The following LDHB variants were observed in gnomAD, a reference collection of about 807,000 sequenced individuals.
LDHB encodes the protein lactate dehydrogenase B.
In LDHB, 18 loss-of-function variants were observed where a neutral mutation model predicts 33.4. The ratio of observed to expected loss-of-function variants is 0.54; its 90% confidence interval spans 0.37 to 0.80. The LOEUF is 0.80. Ranked by LOEUF, LDHB falls within the 30% of genes least tolerant of loss-of-function variation. LDHB has a pLI of 0.00. For missense variants in LDHB, 345 were observed against 407.9 expected, an observed-to-expected ratio of 0.85 and a Z score of 1.33; for synonymous variants, 121 against 140.6, an observed-to-expected ratio of 0.86 and a Z score of 0.98.
chr12:21,651,367 A>G (rs1938684406), intron 2 of LDHB, among the ~76,000 whole-genome samples: 1 of 152,242 alleles, frequency 6.6e-6, no homozygotes, highest in South Asian at 2.1e-4. Context: ...TGGTTATTAT[A>G]TAAGCAATGG....
At position 21,635,667 on chromosome 12, in the gene LDHB, A is replaced by G; in HGVS notation, c.880T>C (p.Cys294Arg). ...GTTAATCCCCGGGCATTGAGGATAC[A>G]TGGAAGGCTCAGGAAGACTTCATTC... ...IENEVFLSLPCILNARGLTSV... is the reference protein window; with the variant it reads ...IENEVFLSLPRILNARGLTSV... The change falls in exon 8 of 8, where the codon TGT (cysteine) becomes CGT (arginine). Residue 294 changes from cysteine (C) to arginine (R), a missense_variant. Physicochemically the swap from Cys to Arg is radical, Grantham distance 180. Coordinates refer to ENST00000350669, the MANE Select transcript of LDHB (RefSeq NM_002300.8). 1 of 1,613,860 alleles carries G rather than the reference A, an allele frequency of 6.2e-7. No individual in the cohort carries two copies. Among genetic ancestry groups the G allele is most frequent in the South Asian group, 1.1e-5 (1 of 91,078 alleles).
At chr12:21,648,122 T>C (rs1343078452) in intron 2 of LDHB, among the ~76,000 whole-genome samples, 4 of 152,224 alleles carry the variant, frequency 2.6e-5, no homozygotes, top group African/African-American at 7.2e-5. Context: ...TCATAATTTA[T>C]AAACTGTTTA....
chr12:21,651,570 T>C (rs1024455250), intron 2 of LDHB, among the ~76,000 whole-genome samples: 1 of 152,212 alleles, frequency 6.6e-6, no homozygotes, highest in African/African-American at 2.4e-5. Flanking sequence ...AGGCCAGATC[T>C]GGCACTTACT....
chr12:21,645,467 G>A (rs747248517), intron 3 of LDHB, among the ~76,000 whole-genome samples: 3 of 152,112 alleles, frequency 2.0e-5, no homozygotes, highest in East Asian at 1.9e-4. Context: ...TCTCCTGCTC[G>A]TCCCTGGGCA....
In LDHB at chr12:21,646,931, A is replaced by T; in HGVS notation, c.215T>A (p.Phe72Tyr). Residue 72 changes from phenylalanine to tyrosine, a missense_variant, in exon 3 of 8, where the codon TTT becomes TAT. Coordinates refer to ENST00000350669, the MANE Select transcript of LDHB (RefSeq NM_002300.8). ...TGCCACAATTTTAGGTGTCTGAAGA[A>T]ATAAGCTCCCATGCTGCAGATCCAT... The part of the protein sequence containing the change: ...EMMDLQHGSL[F>Y]LQTPKIVADK... 6.2e-7 allele frequency: 1 copy of T among 1,612,642 alleles called. No homozygotes were observed. The highest frequency in any genetic ancestry group is 1.1e-5 in the South Asian group (1 of 91,054).
rs1938188894 is a variant in LDHB at position 21,635,419 on chromosome 12, G to A, written c.*123C>T. ...AACCAAGCATAGGCTTTGATTCTGT[G>A]AGCCCAAATTCACATATTGAAGAAG... On this transcript the variant is annotated 3_prime_UTR_variant, in exon 8 of 8. Transcript: ENST00000350669. The A allele has an allele frequency of 2.4e-6, 2 of 828,874 alleles. No individual in the cohort carries two copies. The highest frequency in any genetic ancestry group is 1.7e-5 in the African/African-American group (1 of 59,664). The allele number at this position is 828,874 out of a possible 1,614,324, so 51.3% of individuals were successfully genotyped here.
At chr12:21,650,136 A>ACT (rs1938643447) in intron 2 of LDHB, among the ~76,000 whole-genome samples, 1 of 149,092 alleles carries the variant, frequency 6.7e-6, no homozygotes, top group Non-Finnish European at 1.5e-5. Context: ...ACACACACAC[A>ACT]CACACACACA....
chr12:21,651,438 C>T (rs1938686026), intron 2 of LDHB, among the ~76,000 whole-genome samples: 1 of 152,214 alleles, frequency 6.6e-6, no homozygotes, highest in African/African-American at 2.4e-5. Flanking sequence ...TGGTGGGACA[C>T]TGTACAAAGG....
intron 2 of LDHB, among the ~76,000 whole-genome samples, chr12:21,648,538 G>C (rs900962626): frequency 6.6e-6 from 1 of 151,682 alleles, no homozygotes; most frequent in African/African-American, 2.4e-5. Flanking sequence ...GTATTAATGG[G>C]GGGGAGGGGC....
At chr12:21,640,484 A>T (rs1287307757) in intron 5 of LDHB, among the ~76,000 whole-genome samples, 1 of 152,052 alleles carries the variant, frequency 6.6e-6, no homozygotes, top group Non-Finnish European at 1.5e-5. Context: ...AATAATTGAT[A>T]GTTATAATTA....
At chr12:21,652,511 T>C (rs750900699) in intron 2 of LDHB, among the ~76,000 whole-genome samples, 10 of 152,248 alleles carry the variant, frequency 6.6e-5, no homozygotes, top group Non-Finnish European at 1.5e-4. Flanking sequence ...TTTGTTTTTA[T>C]TGGCACGAAC....
intron 5 of LDHB, among the ~76,000 whole-genome samples, chr12:21,639,646 T>A (rs957341159): frequency 1.3e-5 from 2 of 152,074 alleles, no homozygotes; most frequent in Non-Finnish European, 2.9e-5. Flanking sequence ...GGCATAATTA[T>A]CTTTATTTTA....
Position 21,642,138 on chromosome 12 carries a change from G to A in LDHB, c.422-13C>T, listed in dbSNP as rs1222632611. ...GTAAGAATGTCCACTAAAAATTTTG[G>A]AAATAATATATGTAAGTAAACCAAA... On this transcript the variant is annotated splice_polypyrimidine_tract_variant and intron_variant, in intron 4 of 7. Transcript: ENST00000350669. 6.2e-7 allele frequency: 1 copy of A among 1,607,938 alleles called. No homozygotes were observed. The highest frequency in any genetic ancestry group is 2.2e-5 in the East Asian group (1 of 44,842).
chr12:21,655,720 C>A (rs1171604469), intron 1 of LDHB, among the ~76,000 whole-genome samples: 1 of 151,872 alleles, frequency 6.6e-6, no homozygotes, highest in Admixed American at 6.6e-5. Context: ...AACTAAAGAC[C>A]CCTAAAATGT....
chr12:21,646,359 G>T (rs1443960294), intron 3 of LDHB, among the ~76,000 whole-genome samples: 1 of 152,242 alleles, frequency 6.6e-6, no homozygotes, highest in South Asian at 2.1e-4. Context: ...TAGTGTGGCA[G>T]TGTGGAGTGT....
chr12:21,656,101 A>G (rs1365513786), intron 1 of LDHB, among the ~76,000 whole-genome samples: 15 of 152,350 alleles, frequency 9.8e-5, no homozygotes, highest in Non-Finnish European at 2.1e-4. Flanking sequence ...CTAATCTGCA[A>G]TGGACTAAGC....
intron 2 of LDHB, among the ~76,000 whole-genome samples, chr12:21,652,340 A>C (rs1380297707): frequency 6.6e-6 from 1 of 152,226 alleles, no homozygotes; most frequent in Non-Finnish European, 1.5e-5. Context: ...CCACTGCCAC[A>C]TGTGAGACTG....
At chr12:21,653,537 T>C (rs766914816) in intron 2 of LDHB, among the ~76,000 whole-genome samples, 4 of 152,216 alleles carry the variant, frequency 2.6e-5, no homozygotes, top group Non-Finnish European at 5.9e-5. Context: ...TGCAATTTAT[T>C]CTCAAATGGT....
chr12:21,654,141 CAAGA>C lies in LDHB; in HGVS notation c.129+398_129+401del, dbSNP rs565607590. Among the ~76,000 whole-genome samples the C allele has an allele frequency of 1.6e-4, 24 of 152,206 alleles. No individual in the cohort carries two copies. In the South Asian group the frequency reaches 4.8e-3, roughly 30 times the overall value. On this transcript the variant is annotated intron_variant, in intron 2 of 7. Transcript: ENST00000350669. ...GGATGCTAGAAAAATGTCAATGACA[CAAGA>C]AACAAAGAAAGGTTGAGTAACAGTT... is the stretch of plus-strand genomic sequence containing the variant.
Sources: gnomAD v4.1 joint callset for allele counts (sites outside exome capture counted in the v4.1 genomes callset) on GRCh38, gnomAD v4.1.1 for gene constraint, MANE v1.5 for transcripts, NCBI Gene and HGNC (gene_info 2026-07-23, HGNC 2026-07-21) for gene names.